The following CABLES1 variants were observed in gnomAD, a reference collection of about 807,000 sequenced individuals.
CABLES1 encodes the protein Cdk5 and Abl enzyme substrate 1, also known as CDK5 and ABL1 enzyme substrate 1.
Under a neutral mutation model 57.8 loss-of-function variants are expected in CABLES1, and 36 were observed. The observed-to-expected ratio is 0.62, with a 90% CI of 0.48 to 0.82. The LOEUF (loss-of-function observed/expected upper bound fraction) is 0.82, where lower values mean the gene tolerates loss of function less well. CABLES1 is among the 40% of genes least tolerant of loss of function. The pLI, the probability that CABLES1 is intolerant of heterozygous loss-of-function variation, is 0.00. For missense variants in CABLES1, 767 were observed against 836.6 expected, an observed-to-expected ratio of 0.92 and a Z score of 1.03; for synonymous variants, 374 against 363.0, an observed-to-expected ratio of 1.03 and a Z score of -0.35.
At chr18:23,256,854 G>C (rs2048179194) in intron 9 of CABLES1, among the ~76,000 whole-genome samples, 1 of 152,192 alleles carries the variant, frequency 6.6e-6, no homozygotes, top group African/African-American at 2.4e-5. Context: ...TCCCAGTTAG[G>C]GTGGACTCTT....
intron 7 of CABLES1, among the ~76,000 whole-genome samples, chr18:23,246,659 G>A (rs1023079651): frequency 2.3e-4 from 35 of 151,658 alleles, no homozygotes; most frequent in Admixed American, 5.9e-4. Context: ...CCAAAGTGCT[G>A]GGATTATATG....
intron 7 of CABLES1, among the ~76,000 whole-genome samples, chr18:23,246,560 T>G (rs1006883058): frequency 4.6e-5 from 7 of 151,532 alleles, no homozygotes; most frequent in South Asian, 2.1e-4. Flanking sequence ...CCCGGCTAAT[T>G]TTTTGTGTTT....
At chr18:23,134,778 A>C (rs2046805108), upstream of CABLES1, 1 of 152,186 alleles carries the variant, frequency 6.6e-6, no homozygotes, top group African/African-American at 2.4e-5. Context: ...GAAAAGTGAC[A>C]ATACCATGGA....
intron 1 of CABLES1, among the ~76,000 whole-genome samples, chr18:23,140,929 G>C (rs2046854235): frequency 6.6e-6 from 1 of 152,160 alleles, no homozygotes; most frequent in South Asian, 2.1e-4. Flanking sequence ...ACCTTGGCTT[G>C]TGTCTCAGGC....
chr18:23,250,554 G>C (rs564260639), intron 7 of CABLES1, among the ~76,000 whole-genome samples: 7 of 152,310 alleles, frequency 4.6e-5, no homozygotes, highest in African/African-American at 1.7e-4. Flanking sequence ...TTTCTTAAAA[G>C]TAGAAGGGAA....
intron 4 of CABLES1, among the ~76,000 whole-genome samples, chr18:23,224,991 C>T (rs1284599547): frequency 6.6e-6 from 1 of 152,182 alleles, no homozygotes; most frequent in African/African-American, 2.4e-5. Context: ...CCTCAGCTTC[C>T]TGCGTAGCTG....
chr18:23,222,158 C>CCCTCTCTCAGCACAGCT lies in CABLES1; in HGVS notation c.1088+8116_1088+8132dup, dbSNP rs1181865540. The stretch of plus-strand genomic sequence containing the variant: ...CTCTGGCCTTGGCGTTCCTCTCCAG[C>CCCTCTCTCAGCACAGCT]CCTCTCTCAGCACAGCTCCTCTCTC... On this transcript the variant is annotated intron_variant, in intron 4 of 9. Transcript: ENST00000256925. Among the ~76,000 whole-genome samples, 10 of 152,256 alleles carry CCCTCTCTCAGCACAGCT rather than the reference C, an allele frequency of 6.6e-5. No individual in the cohort carries two copies. The South Asian group carries it at 1.9e-3, about 28-fold the overall frequency.
At chr18:23,141,461 T>C (rs75442149) in intron 1 of CABLES1, among the ~76,000 whole-genome samples, 6,014 of 152,330 alleles carry the variant, frequency 0.039, 157 homozygotes, top group Middle Eastern at 0.11. Flanking sequence ...CCAGTCTGTG[T>C]GTGTGTGCCC....
chr18:23,182,966 G>C (rs1041798292), intron 1 of CABLES1, among the ~76,000 whole-genome samples: 2 of 152,340 alleles, frequency 1.3e-5, no homozygotes, highest in Middle Eastern at 3.4e-3. Context: ...GCTGAGGAAG[G>C]TACCTGGACC....
intron 1 of CABLES1, among the ~76,000 whole-genome samples, chr18:23,184,308 C>CAT (rs1384619411): frequency 0.024 from 3,579 of 146,414 alleles, 61 homozygotes; most frequent in Non-Finnish European, 0.039. Context: ...CATACTGGCA[C>CAT]GTGTGTGTGT....
chr18:23,173,183 C>T (rs960063450), intron 1 of CABLES1, among the ~76,000 whole-genome samples: 1 of 152,184 alleles, frequency 6.6e-6, no homozygotes, highest in Non-Finnish European at 1.5e-5. Context: ...GATGGAGCAC[C>T]AGGTAGCCTG....
chr18:23,252,623 A>G lies in CABLES1; in HGVS notation c.1447-337A>G, dbSNP rs574236837. Among the ~76,000 whole-genome samples, 8 of 152,266 alleles carry G rather than the reference A, an allele frequency of 5.3e-5. No individual in the cohort carries two copies. The South Asian group carries it at 1.7e-3, about 32-fold the overall frequency. On this transcript the variant is annotated intron_variant, in intron 7 of 9. Coordinates refer to ENST00000256925, the MANE Select transcript of CABLES1 (RefSeq NM_001100619.3). ...TTGAACCCAGGTCTGTGCACATCCA[A>G]GCCCCACGCGCTTAAGCCCCATACC...
intron 1 of CABLES1, among the ~76,000 whole-genome samples, chr18:23,162,075 G>T (rs2047009273): frequency 6.6e-6 from 1 of 151,970 alleles, no homozygotes; most frequent in Non-Finnish European, 1.5e-5. Context: ...TGAGGCAGGG[G>T]AATCGCTTGA....
intron 7 of CABLES1, among the ~76,000 whole-genome samples, chr18:23,243,770 G>C (rs2047802572): frequency 6.6e-6 from 1 of 151,580 alleles, no homozygotes; most frequent in Non-Finnish European, 1.5e-5. Flanking sequence ...TACTCAGGAG[G>C]CTGAGGCAGG....
At chr18:23,143,423 C>T (rs1004806725) in intron 1 of CABLES1, among the ~76,000 whole-genome samples, 1 of 152,232 alleles carries the variant, frequency 6.6e-6, no homozygotes, top group Non-Finnish European at 1.5e-5. Flanking sequence ...TAAAGCTCTG[C>T]TGGGTCCTCG....
At chr18:23,206,646 GT>G (rs1372632766) in intron 3 of CABLES1, among the ~76,000 whole-genome samples, 1 of 152,166 alleles carries the variant, frequency 6.6e-6, no homozygotes, top group Non-Finnish European at 1.5e-5. Context: ...TGCAAAATCT[GT>G]TTGGATTTTT....
upstream of CABLES1, among the ~76,000 whole-genome samples, chr18:23,135,196 T>C (rs1028997416): frequency 3.9e-5 from 6 of 152,082 alleles, no homozygotes; most frequent in African/African-American, 1.2e-4. Flanking sequence ...CTCCCGCACC[T>C]GGCTTCCGCG....
chr18:23,176,731 T>C (rs985479568), intron 1 of CABLES1, among the ~76,000 whole-genome samples: 10 of 152,148 alleles, frequency 6.6e-5, no homozygotes, highest in Non-Finnish European at 1.3e-4. Flanking sequence ...GAAAAACTCC[T>C]AGAAAATAAG....
intron 3 of CABLES1, among the ~76,000 whole-genome samples, chr18:23,211,950 AG>A (rs1333856146): frequency 1.3e-5 from 2 of 152,226 alleles, no homozygotes; most frequent in Admixed American, 1.3e-4. Context: ...CTGGCCCTTC[AG>A]GCCTTGACAG....
Sources: gnomAD v4.1 joint callset for allele counts (sites outside exome capture counted in the v4.1 genomes callset) on GRCh38, gnomAD v4.1.1 for gene constraint, MANE v1.5 for transcripts, NCBI Gene and HGNC (gene_info 2026-07-23, HGNC 2026-07-21) for gene names.